Variants in CDH4 observed in about 807,000 individuals in gnomAD.
The protein encoded by CDH4 is cadherin 4.
CDH4 carries 33 observed loss-of-function variants against 86.0 expected under a neutral mutation model. The ratio of observed to expected loss-of-function variants is 0.38; its 90% confidence interval spans 0.29 to 0.51. CDH4 has a LOEUF of 0.51. Among genes scored for constraint, CDH4 ranks in the 20% least tolerant of loss-of-function variants. CDH4 has a pLI of 0.86. For missense variants in CDH4, 1,114 were observed against 1,307.4 expected (o/e 0.85, Z 2.28); for synonymous variants, 555 against 549.4 (o/e 1.01, Z -0.14).
At chr20:61,858,916 G>T (rs1015871025) in intron 6 of CDH4, among the ~76,000 whole-genome samples, 2 of 152,148 alleles carry the variant, frequency 1.3e-5, no homozygotes, top group African/African-American at 4.8e-5. Flanking sequence ...CATTTCTCTA[G>T]AATGAATGCC....
chr20:61,929,922 G>A (rs1600787536), intron 13 of CDH4, 80 bp downstream of exon 13: 10 of 1,189,270 alleles, frequency 8.4e-6, no homozygotes, highest in Non-Finnish European at 1.1e-5. Context: ...GGCAGAGGGG[G>A]GCCTGGATTT....
intron 2 of CDH4, among the ~76,000 whole-genome samples, chr20:61,464,203 C>T (rs538014594): frequency 6.6e-6 from 1 of 152,126 alleles, no homozygotes; most frequent in African/African-American, 2.4e-5. Flanking sequence ...GGGGGCTGGG[C>T]AAACCCTGCT....
intron 2 of CDH4, among the ~76,000 whole-genome samples, chr20:61,586,252 TATC>T (rs1312164995): frequency 2.7e-5 from 4 of 149,668 alleles, no homozygotes; most frequent in South Asian, 4.3e-4. Context: ...TGATGGCAAT[TATC>T]ATGGTGATGG....
At chr20:61,492,842 T>C (rs902622421) in intron 2 of CDH4, among the ~76,000 whole-genome samples, 1 of 152,196 alleles carries the variant, frequency 6.6e-6, no homozygotes, top group African/African-American at 2.4e-5. Flanking sequence ...TAAATAGTAT[T>C]GTCAGAGAAG....
chr20:61,545,431 G>A (rs1368326899), intron 2 of CDH4, among the ~76,000 whole-genome samples: 6 of 152,320 alleles, frequency 3.9e-5, no homozygotes, highest in South Asian at 4.2e-4. Context: ...AGTCTGTCAC[G>A]GGAAGGACGC....
At chr20:61,714,061 A>G (rs2087925064) in intron 2 of CDH4, among the ~76,000 whole-genome samples, 1 of 149,268 alleles carries the variant, frequency 6.7e-6, no homozygotes, top group Non-Finnish European at 1.5e-5. Context: ...ATTTTATTTT[A>G]TTTGAGATGG....
intron 9 of CDH4, among the ~76,000 whole-genome samples, chr20:61,920,026 G>T (rs75611176): frequency 1.2e-5 from 1 of 85,222 alleles, no homozygotes; most frequent in Non-Finnish European, 2.6e-5. Context: ...GCGTGGAAGC[G>T]TGTCGTGATT....
At chr20:61,405,856 A>G (rs1438001596) in intron 2 of CDH4, among the ~76,000 whole-genome samples, 3 of 151,956 alleles carry the variant, frequency 2.0e-5, no homozygotes, top group African/African-American at 7.2e-5. Context: ...AATTTTTTGT[A>G]TTTTTAGTAG....
intron 2 of CDH4, among the ~76,000 whole-genome samples, chr20:61,731,349 G>A (rs987372545): frequency 3.9e-5 from 6 of 152,108 alleles, no homozygotes; most frequent in Non-Finnish European, 7.4e-5. Context: ...CTTCCTGACC[G>A]CCACCCTCCT....
At chr20:61,568,300 C>G (rs1411529374) in intron 2 of CDH4, among the ~76,000 whole-genome samples, 2 of 152,192 alleles carry the variant, frequency 1.3e-5, no homozygotes, top group Non-Finnish European at 2.9e-5. Flanking sequence ...ATGCTCTTCT[C>G]ATGATAGTAA....
intron 9 of CDH4, among the ~76,000 whole-genome samples, chr20:61,921,061 CGTG>C (rs375776124): frequency 1.2e-3 from 161 of 139,116 alleles, no homozygotes; most frequent in African/African-American, 3.4e-3. Context: ...TGCGTGGAAG[CGTG>C]GTGTCGTGAT....
rs1033966602 is a variant in CDH4, at chr20:61,693,889, T to C, written c.170-49674T>C. On this transcript the variant is annotated intron_variant, in intron 2 of 15. Transcript: ENST00000614565. ...TTCTCAGACACTCTTTCTTTCTTTTTTTTTTTTTTTTTTTTTTTTTTGAGA... is the reference window on the plus strand; with the variant it reads ...TTCTCAGACACTCTTTCTTTCTTTTCTTTTTTTTTTTTTTTTTTTTTGAGA... 3.0e-3 allele frequency among the ~76,000 whole-genome samples: 414 copies of C among 137,612 alleles called. 1 individual carries two copies. Among genetic ancestry groups the C allele is most frequent in the Admixed American group, 6.1e-3 (84 of 13,746 alleles). The allele number at this position is 137,612 out of a possible 152,430, so 90.3% of individuals were successfully genotyped here. A position where few individuals can be genotyped will look rare whatever the true frequency, so the allele number is the denominator to read the frequency against.
chr20:61,344,132 A>G (rs2084664166), intron 2 of CDH4, among the ~76,000 whole-genome samples: 1 of 152,088 alleles, frequency 6.6e-6, no homozygotes, highest in African/African-American at 2.4e-5. Flanking sequence ...GGGAAGCACT[A>G]ATGAGGACTG....
chr20:61,459,761 G>A (rs6121974), intron 2 of CDH4, among the ~76,000 whole-genome samples: 72,711 of 151,482 alleles, frequency 0.48, 17,706 homozygotes, highest in Admixed American at 0.54. Flanking sequence ...GAGTTAGGCC[G>A]GGATCTGGGA....
chr20:61,470,377 A>G (rs2085495440), intron 2 of CDH4, among the ~76,000 whole-genome samples: 1 of 151,262 alleles, frequency 6.6e-6, no homozygotes, highest in African/African-American at 2.4e-5. Flanking sequence ...TAATTTTTGC[A>G]TGTTGATTTT....
Position 61,873,911 on chromosome 20 carries a change from G to A in CDH4, c.1050+11G>A, listed in dbSNP as rs778851851. ...GGCCTGGACCGAGAGGTGAGGCGGGGTGGGGTCTGCGTGCAGGCGGGTGAG... is the reference window on the plus strand; with the variant it reads ...GGCCTGGACCGAGAGGTGAGGCGGGATGGGGTCTGCGTGCAGGCGGGTGAG... On this transcript the variant is annotated intron_variant, in intron 7 of 15. Coordinates refer to ENST00000614565, the MANE Select transcript of CDH4 (RefSeq NM_001794.5). 1 of 1,612,090 alleles carries A rather than the reference G, an allele frequency of 6.2e-7. No homozygotes were observed.
chr20:61,387,977 TG>T (rs2084961605), intron 2 of CDH4, among the ~76,000 whole-genome samples: 1 of 152,230 alleles, frequency 6.6e-6, no homozygotes, highest in African/African-American at 2.4e-5. Context: ...TCTCTATTTT[TG>T]GTTTGGGTTG....
intron 6 of CDH4, among the ~76,000 whole-genome samples, chr20:61,853,267 G>A (rs372713482): frequency 5.9e-5 from 9 of 152,094 alleles, no homozygotes; most frequent in Non-Finnish European, 1.0e-4. Flanking sequence ...GGACTGGGGT[G>A]GGCTCCCGGG....
chr20:61,923,918 C>T (rs1172555801), intron 10 of CDH4, among the ~76,000 whole-genome samples: 3 of 152,190 alleles, frequency 2.0e-5, no homozygotes, highest in Admixed American at 6.5e-5. Context: ...GTGTTGTGAC[C>T]GGTGCTTACT....
Sources: allele counts gnomAD v4.1 joint callset (sites outside exome capture counted in the v4.1 genomes callset), GRCh38; gene constraint gnomAD v4.1.1; transcripts MANE v1.5; gene names NCBI Gene and HGNC (gene_info 2026-07-23, HGNC 2026-07-21).